Variants in IMMP2L observed in about 807,000 individuals in gnomAD.
IMMP2L encodes the protein mitochondrial inner membrane protease subunit 2.
A neutral mutation model predicts 19.3 loss-of-function variants in IMMP2L; 18 were observed. The ratio of observed to expected loss-of-function variants is 0.93; its 90% CI spans 0.64 to 1.38. The LOEUF is 1.38. Among genes scored for constraint, IMMP2L ranks in the 40% most tolerant of loss-of-function variants. IMMP2L has a pLI of 0.00. For synonymous variants in IMMP2L, 76 were observed against 73.0 expected (o/e 1.04, Z -0.21); for missense variants, 233 against 218.2 (o/e 1.07, Z -0.43).
At chr7:111,024,125 T>C (rs1826574193) in intron 3 of IMMP2L, among the ~76,000 whole-genome samples, 2 of 152,206 alleles carry the variant, frequency 1.3e-5, no homozygotes, top group Admixed American at 6.5e-5. Flanking sequence ...AGAATGCAGG[T>C]TGAAGCAAAG....
intron 3 of IMMP2L, among the ~76,000 whole-genome samples, chr7:111,377,853 C>A (rs1404685045): frequency 6.6e-6 from 1 of 151,968 alleles, no homozygotes; most frequent in East Asian, 1.9e-4. Flanking sequence ...TATACAACTA[C>A]ACATCCACAT....
chr7:110,739,312 C>T lies in IMMP2L; in HGVS notation c.409-75591G>A, dbSNP rs1449129750. On this transcript the variant is annotated intron_variant, in intron 5 of 5. Coordinates refer to ENST00000405709, the MANE Select transcript of IMMP2L (RefSeq NM_032549.4). The stretch of plus-strand genomic sequence containing the variant: ...TCACCAACCAAGTTTCTGCTGTCTT[C>T]AGGAGACTTACCTAACACACAAGGA... 2.6e-5 allele frequency among the ~76,000 whole-genome samples: 4 copies of T among 152,236 alleles called. No homozygotes were observed. In the East Asian group the frequency reaches 7.7e-4, roughly 29 times the overall value.
chr7:111,093,808 T>C (rs1028538864), intron 3 of IMMP2L, among the ~76,000 whole-genome samples: 3 of 152,086 alleles, frequency 2.0e-5, no homozygotes, highest in African/African-American at 7.2e-5. Context: ...ACCCATAGTC[T>C]CCCCAAATCA....
At chr7:111,421,507 T>C (rs112918916) in intron 3 of IMMP2L, among the ~76,000 whole-genome samples, 1 of 144,812 alleles carries the variant, frequency 6.9e-6, no homozygotes, top group African/African-American at 2.9e-5. Flanking sequence ...CTCCTGACCT[T>C]GATCCACCCG....
At chr7:111,398,190 A>G (rs1833060068) in intron 3 of IMMP2L, among the ~76,000 whole-genome samples, 1 of 152,040 alleles carries the variant, frequency 6.6e-6, no homozygotes, top group Non-Finnish European at 1.5e-5. Flanking sequence ...AAAACTACTG[A>G]CTGATATCCT....
intron 3 of IMMP2L, among the ~76,000 whole-genome samples, chr7:111,077,882 T>C (rs991658184): frequency 6.6e-6 from 1 of 152,194 alleles, no homozygotes; most frequent in African/African-American, 2.4e-5. Flanking sequence ...CCAAGGACCT[T>C]TGTGCACACT....
intron 3 of IMMP2L, among the ~76,000 whole-genome samples, chr7:111,142,340 AAAAGAAAGAAAGAAAG>A (rs1199789345): frequency 0.18 from 2,974 of 16,314 alleles, 180 homozygotes; most frequent in African/African-American, 0.22. Context: ...AAAAAAAAAA[AAAAGAAAGAAAGAAAG>A]AAAGAAAGAA....
chr7:110,951,300 A>G (rs1817812574), intron 4 of IMMP2L, among the ~76,000 whole-genome samples: 1 of 152,126 alleles, frequency 6.6e-6, no homozygotes, highest in African/African-American at 2.4e-5. Context: ...AAAAAATTAA[A>G]TTAAAAAAAC....
intron 5 of IMMP2L, among the ~76,000 whole-genome samples, chr7:110,693,350 A>G (rs945203981): frequency 6.6e-6 from 1 of 152,198 alleles, no homozygotes; most frequent in Non-Finnish European, 1.5e-5. Context: ...TTAGCCCCCT[A>G]AATGGTTTCA....
chr7:111,070,111 G>A (rs1423999752), intron 3 of IMMP2L, among the ~76,000 whole-genome samples: 3 of 152,012 alleles, frequency 2.0e-5, no homozygotes, highest in Admixed American at 2.0e-4. Flanking sequence ...GAGGAATGTA[G>A]GACTAGATGT....
intron 3 of IMMP2L, among the ~76,000 whole-genome samples, chr7:111,361,335 T>C (rs1035357643): frequency 3.3e-5 from 5 of 152,108 alleles, no homozygotes; most frequent in African/African-American, 4.8e-5. Flanking sequence ...AAAACTAAAA[T>C]TGTTGCATTT....
chr7:110,834,451 G>A (rs116777800), intron 5 of IMMP2L, among the ~76,000 whole-genome samples: 1,788 of 152,022 alleles, frequency 0.012, 36 homozygotes, highest in African/African-American at 0.041. Flanking sequence ...ACTGAAGAAA[G>A]TTGCTAAACA....
chr7:110,888,343 C>A (rs1326064628), intron 4 of IMMP2L, among the ~76,000 whole-genome samples: 1 of 152,134 alleles, frequency 6.6e-6, no homozygotes, highest in East Asian at 1.9e-4. Context: ...ATGTTAATGA[C>A]AAAGAGAATA....
intron 4 of IMMP2L, among the ~76,000 whole-genome samples, chr7:110,916,596 C>T (rs575920576): frequency 5.3e-5 from 8 of 152,256 alleles, no homozygotes; most frequent in Middle Eastern, 3.4e-3. Flanking sequence ...TTTACCTTTC[C>T]TACACTACTT....
rs886510384 is a variant in IMMP2L, at chr7:111,055,611, G to A, written c.240-92046C>T. On this transcript the variant is annotated intron_variant, in intron 3 of 5. Transcript: ENST00000405709. The stretch of plus-strand genomic sequence containing the variant: ...CCCTGTCTGTTGTCAAACTGCTTTC[G>A]TAGGCTGGATCCTTGGGCCGCACTT... Among the ~76,000 whole-genome samples the A allele has an allele frequency of 3.3e-5, 5 of 152,100 alleles. No homozygotes were observed. The South Asian group carries it at 6.2e-4, about 19-fold the overall frequency.
chr7:110,876,280 C>T (rs544839692), intron 5 of IMMP2L, among the ~76,000 whole-genome samples: 149 of 151,360 alleles, frequency 9.8e-4, no homozygotes, highest in South Asian at 3.1e-3. Context: ...TTGAAACATG[C>T]GAGAACTTTA....
intron 4 of IMMP2L, among the ~76,000 whole-genome samples, chr7:110,913,785 TG>T (rs1305259880): frequency 6.6e-6 from 1 of 152,070 alleles, no homozygotes; most frequent in African/African-American, 2.4e-5. Flanking sequence ...CCTTTAAAAT[TG>T]TTTAACGTTA....
chr7:110,726,157 A>G (rs1430425433), intron 5 of IMMP2L, among the ~76,000 whole-genome samples: 1 of 152,246 alleles, frequency 6.6e-6, no homozygotes, highest in African/African-American at 2.4e-5. Context: ...AAGGAAGACC[A>G]TTAACAGGCC....
At chr7:111,125,564 C>T (rs936852259) in intron 3 of IMMP2L, 1 of 160,394 alleles carries the variant, frequency 6.2e-6, no homozygotes, top group African/African-American at 2.4e-5. Flanking sequence ...ATGGGACTAC[C>T]TACATTTTTA....
Sources: allele counts gnomAD v4.1 joint callset (sites outside exome capture counted in the v4.1 genomes callset), GRCh38; gene constraint gnomAD v4.1.1; transcripts MANE v1.5; gene names NCBI Gene and HGNC (gene_info 2026-07-23, HGNC 2026-07-21).